Variants in RASGRP4 observed in about 807,000 individuals in gnomAD.
The protein encoded by RASGRP4 is RAS guanyl releasing protein 4.
RASGRP4 carries 52 observed loss-of-function variants against 84.4 expected under a neutral mutation model. That is an observed-to-expected ratio of 0.62 (90% CI 0.49 to 0.78). The LOEUF (loss-of-function observed/expected upper bound fraction) is 0.78, where lower values mean the gene tolerates loss of function less well. Among genes scored for constraint, RASGRP4 ranks in the 30% least tolerant of loss-of-function variants. The probability of loss-of-function intolerance (pLI) is 0.00; values close to 1 mark genes in which losing one functional copy is unlikely to be tolerated. For synonymous variants in RASGRP4, 356 were observed against 359.1 expected (o/e 0.99, Z 0.10); for missense variants, 760 against 886.9 (o/e 0.86, Z 1.82).
chr19:38,414,801 C>G (rs1199480250), intron 9 of RASGRP4, 47 bp downstream of exon 9: 2 of 1,530,668 alleles, frequency 1.3e-6, no homozygotes, highest in Non-Finnish European at 8.8e-7. Flanking sequence ...GACCCTATAT[C>G]TCAGTACCCT....
chr19:38,412,044 T>C lies in RASGRP4; in HGVS notation c.1680+628A>G, dbSNP rs1248700209. Among the ~76,000 whole-genome samples the C allele has an allele frequency of 2.0e-5, 3 of 152,228 alleles. No individual in the cohort carries two copies. The highest frequency in any genetic ancestry group is 1.3e-4 in the Admixed American group (2 of 15,276). ...AGTCTAGAGATTTGGAGGATGATTC[T>C]GTTTGAACATAATCTACCCGGTTTG... On this transcript the variant is annotated intron_variant, in intron 13 of 16. Coordinates refer to ENST00000615439, the MANE Select transcript of RASGRP4 (RefSeq NM_170604.3). This position sits in a 1 kb window ranked among gnomAD's most constrained non-coding sequence, Gnocchi z 4.6.
intron 13 of RASGRP4, chr19:38,411,690 C>T (rs1971263875): frequency 3.8e-6 from 1 of 264,892 alleles, no homozygotes; most frequent in Non-Finnish European, 7.1e-6. Context: ...CAAGACCCAT[C>T]TCTTAACAAA....
At chr19:38,423,394 C>G (rs2145243381) in intron 1 of RASGRP4, among the ~76,000 whole-genome samples, 1 of 151,578 alleles carries the variant, frequency 6.6e-6, no homozygotes, top group East Asian at 1.9e-4. Flanking sequence ...GGCGTGATGG[C>G]GGGCGCCTGT....
intron 4 of RASGRP4, 99 bp downstream of exon 4, chr19:38,420,809 G>T: frequency 7.9e-7 from 1 of 1,269,210 alleles, no homozygotes; most frequent in Non-Finnish European, 1.1e-6. Flanking sequence ...GGTTGGGTCT[G>T]TGGGAACTGG....
chr19:38,410,338 G>A (rs114190185), intron 16 of RASGRP4, among the ~76,000 whole-genome samples: 1 of 151,780 alleles, frequency 6.6e-6, no homozygotes, highest in Non-Finnish European at 1.5e-5. Flanking sequence ...TATCTTATTG[G>A]CTAGAATCCT....
At chr19:38,420,717 G>A (rs1391691661) in intron 4 of RASGRP4, among the ~76,000 whole-genome samples, 191 bp downstream of exon 4, 1 of 151,192 alleles carries the variant, frequency 6.6e-6, no homozygotes, top group African/African-American at 2.4e-5. Flanking sequence ...CTAGGAAGTG[G>A]GGGTTCTAAG....
intron 15 of RASGRP4, 23 bp from the exon 16 acceptor site, chr19:38,411,021 G>A: frequency 6.2e-7 from 1 of 1,608,790 alleles, no homozygotes; most frequent in South Asian, 1.1e-5. Flanking sequence ...GGATGGAAGG[G>A]ATGTGGGTCT....
At chr19:38,411,617 C>T (rs973681095) in intron 13 of RASGRP4, 1 of 529,734 alleles carries the variant, frequency 1.9e-6, no homozygotes, top group African/African-American at 1.9e-5. Flanking sequence ...ATCGCTTGAG[C>T]TCAGGATTGG....
Position 38,419,813 on chromosome 19 carries a change from C to A in RASGRP4, c.663+47G>T, listed in dbSNP as rs912804959. On this transcript the variant is annotated intron_variant, in intron 6 of 16. Coordinates refer to ENST00000615439, the MANE Select transcript of RASGRP4 (RefSeq NM_170604.3). ...CTTCCCCCAGCCAATCCCTCCCCTA[C>A]CCCAGTGTCTCCCCTGCTTGGGACG... The A allele has an allele frequency of 2.7e-5, 42 of 1,531,488 alleles. 1 individual carries two copies. The Middle Eastern group carries it at 6.8e-4, about 25-fold the overall frequency. 94.9% of individuals were successfully genotyped at this position (1,531,488 alleles called of 1,614,324 possible).
chr19:38,418,370 G>T lies in RASGRP4; in HGVS notation c.837+21C>A. 1.3e-6 allele frequency: 2 copies of T among 1,595,734 alleles called. No individual in the cohort carries two copies. The highest frequency in any genetic ancestry group is 1.7e-6 in the Non-Finnish European group (2 of 1,172,112). ...GTGGCTGCGTGCAGTGGAGTTCGCA[G>T]CCCCAAGGGGCGGGCCTCACCTGTG... On this transcript the variant is annotated intron_variant, in intron 7 of 16. Transcript: ENST00000615439. The surrounding 1 kb of genome is among the most constrained non-coding windows in gnomAD (Gnocchi z 4.6).
Position 38,420,027 on chromosome 19 carries a change from G to A in RASGRP4, c.510-14C>T, listed in dbSNP as rs752994946. ...CCAGGGCTCAGGCTGGGGGCCAAGAGGGGCAGGGTATTGGAGTGGCTCACA... is the reference window on the plus strand; with the variant it reads ...CCAGGGCTCAGGCTGGGGGCCAAGAAGGGCAGGGTATTGGAGTGGCTCACA... On this transcript the variant is annotated splice_polypyrimidine_tract_variant and intron_variant, in intron 5 of 16. Transcript: ENST00000615439. 6.2e-7 allele frequency: 1 copy of A among 1,613,342 alleles called. No homozygotes were observed. Among genetic ancestry groups the A allele is most frequent in the South Asian group, 1.1e-5 (1 of 91,090 alleles).
In RASGRP4 at chr19:38,417,116, A is replaced by G. The variant is rs1474956839; in HGVS notation, c.890T>C (p.Leu297Pro). The G allele has an allele frequency of 1.4e-5, 22 of 1,564,822 alleles. No homozygotes were observed. The highest frequency in any genetic ancestry group is 1.8e-5 in the Non-Finnish European group (21 of 1,154,598). ...GAGTCTGGAGATGGCACTGTGACAC[A>G]GGCCCCCTGTGACTGCCATCAGCGT... The part of the protein sequence containing the change: ...FNTLMAVTGG[L>P]CHSAISRLKD... Residue 297 changes from leucine to proline, a missense_variant, in exon 8 of 17, where the codon CTG becomes CCG. Leu to Pro is a moderately conservative substitution (Grantham distance 98). Coordinates refer to ENST00000615439, the MANE Select transcript of RASGRP4 (RefSeq NM_170604.3). This position sits in a 1 kb window ranked among gnomAD's most constrained non-coding sequence, Gnocchi z 5.1.
rs1600571606 is a variant in RASGRP4, at chr19:38,420,206, ACTT to A, written c.431_433del (p.Glu144del). Reference sequence around the variant, plus strand: ...CACGGTGGCCCAGAAACGACCTATGACTTCTTCTAGCTGGGGATCCTGGTGCAT... The same window carrying A: ...CACGGTGGCCCAGAAACGACCTATGACTTCTAGCTGGGGATCCTGGTGCAT... On this transcript the variant is annotated inframe_deletion, in exon 5 of 17. Coordinates refer to ENST00000615439, the MANE Select transcript of RASGRP4 (RefSeq NM_170604.3). The A allele has an allele frequency of 6.2e-7, 1 of 1,613,024 alleles. No individual in the cohort carries two copies. The highest frequency in any genetic ancestry group is 2.2e-5 in the East Asian group (1 of 44,852).
chr19:38,414,743 C>T, intron 9 of RASGRP4, 105 bp downstream of exon 9: 2 of 1,200,288 alleles, frequency 1.7e-6, no homozygotes, highest in Non-Finnish European at 1.1e-6. Context: ...AAAACCCATG[C>T]ACTCCAGCAC....
Position 38,415,140 on chromosome 19 carries a change from T to A in RASGRP4, c.955-17A>T. ...CAGGAGGGCCTGGGGAGGAGGGACA[T>A]GGGATTGGGGCGTTATCAGGACAGT... On this transcript the variant is annotated splice_polypyrimidine_tract_variant and intron_variant, in intron 8 of 16. Coordinates refer to ENST00000615439, the MANE Select transcript of RASGRP4 (RefSeq NM_170604.3). The A allele has an allele frequency of 6.3e-7, 1 of 1,575,510 alleles. No homozygotes were observed.
intron 15 of RASGRP4, 39 bp downstream of exon 15, chr19:38,411,076 C>T (rs1332357564): frequency 6.2e-7 from 1 of 1,609,482 alleles, no homozygotes; most frequent in East Asian, 2.2e-5. Flanking sequence ...CCCCTTTCCC[C>T]CAGGCCCCTT....
chr19:38,420,221 G>A lies in RASGRP4; in HGVS notation c.419C>T (p.Pro140Leu), dbSNP rs1446209662. ...MRHPEVMHQDPQLEEVIGRFW... is the reference protein window; with the variant it reads ...MRHPEVMHQDLQLEEVIGRFW... ...ACGACCTATGACTTCTTCTAGCTGG[G>A]GATCCTGGTGCATCACCTCAGGGTG... The change falls in exon 5 of 17, where the codon CCC (proline) becomes CTC (leucine). Residue 140 changes from proline to leucine, a missense_variant. Transcript: ENST00000615439. 5 of 1,613,050 alleles carry A rather than the reference G, an allele frequency of 3.1e-6. No individual in the cohort carries two copies. The highest frequency in any genetic ancestry group is 4.2e-6 in the Non-Finnish European group (5 of 1,179,586).
In RASGRP4 at chr19:38,412,114, T is replaced by TTG. The variant is rs796219088; in HGVS notation, c.1680+556_1680+557dup. On this transcript the variant is annotated intron_variant, in intron 13 of 16. Coordinates refer to ENST00000615439, the MANE Select transcript of RASGRP4 (RefSeq NM_170604.3). This position sits in a 1 kb window ranked among gnomAD's most constrained non-coding sequence, Gnocchi z 4.6. ...GTTGTTGTTGTTGTTGTTGTTGTTG[T>TTG]TGTTGTTGTTGTTGTTGTTTTTGAG... Among the ~76,000 whole-genome samples, 12 of 137,258 alleles carry TTG rather than the reference T, an allele frequency of 8.7e-5. No individual in the cohort carries two copies. The South Asian group carries it at 2.5e-3, about 28-fold the overall frequency. 90.0% of individuals were successfully genotyped at this position (137,258 alleles called of 152,430 possible). A position where few individuals can be genotyped will look rare whatever the true frequency, so the allele number is the denominator to read the frequency against.
chr19:38,413,276 G>T lies in RASGRP4; in HGVS notation c.1333C>A (p.Pro445Thr), dbSNP rs1374316286. 1 of 1,613,832 alleles carries T rather than the reference G, an allele frequency of 6.2e-7. No individual in the cohort carries two copies. ...CCAGGGGCCCACTCCACCACCAGAG[G>T]TGCATTGAAGGGGGAGGGTGGCTGG... ...KSLPPSPFNA[P>T]LVVEWAPGVT... The change falls in exon 11 of 17, where the codon CCT becomes ACT. Residue 445 changes from proline to threonine, a missense_variant. Coordinates refer to ENST00000615439, the MANE Select transcript of RASGRP4 (RefSeq NM_170604.3). This position sits in a 1 kb window ranked among gnomAD's most constrained non-coding sequence, Gnocchi z 4.7.
Sources: allele counts gnomAD v4.1 joint callset (sites outside exome capture counted in the v4.1 genomes callset), GRCh38; gene constraint gnomAD v4.1.1; non-coding constraint Gnocchi (gnomAD v3.1); transcripts MANE v1.5; gene names NCBI Gene and HGNC (gene_info 2026-07-23, HGNC 2026-07-21).